RBFOX3: variants seen among roughly 807,000 people sequenced by gnomAD.
RBFOX3 encodes RNA binding fox-1 homolog 3.
Under a neutral mutation model 48.7 loss-of-function variants are expected in RBFOX3, and 17 were observed. That is an observed-to-expected ratio of 0.35 (90% CI 0.24 to 0.52). The LOEUF (loss-of-function observed/expected upper bound fraction) is 0.52. Among genes scored for constraint, RBFOX3 ranks in the 20% least tolerant of loss-of-function variants. RBFOX3 has a pLI of 0.94. For missense variants in RBFOX3, 382 were observed against 497.5 expected, an observed-to-expected ratio of 0.77 and a Z score of 2.21; for synonymous variants, 212 against 209.5, an observed-to-expected ratio of 1.01 and a Z score of -0.10.
intron 2 of RBFOX3, among the ~76,000 whole-genome samples, chr17:79,347,060 C>T (rs192927005): frequency 5.0e-4 from 76 of 152,230 alleles, no homozygotes; most frequent in African/African-American, 1.5e-3. Flanking sequence ...CTCTTTGTTG[C>T]ACTGCATAGG....
At chr17:79,170,670 T>TA (rs955500821) in intron 4 of RBFOX3, among the ~76,000 whole-genome samples, 1 of 152,024 alleles carries the variant, frequency 6.6e-6, no homozygotes, top group African/African-American at 2.4e-5. Context: ...CCCCTGCCCA[T>TA]ACCCCTGTTC....
intron 3 of RBFOX3, among the ~76,000 whole-genome samples, chr17:79,267,213 T>G (rs1447612246): frequency 6.6e-6 from 1 of 152,196 alleles, no homozygotes; most frequent in Non-Finnish European, 1.5e-5. Flanking sequence ...TTGCTGGCTC[T>G]GGGCCCTGTG....
intron 2 of RBFOX3, among the ~76,000 whole-genome samples, chr17:79,352,990 C>T (rs1295542549): frequency 6.6e-6 from 1 of 152,242 alleles, no homozygotes. Context: ...CACAAAGGCG[C>T]TTGGAGCATC....
At chr17:79,183,610 GTC>G (rs2052693551) in intron 4 of RBFOX3, 1 of 152,392 alleles carries the variant, frequency 6.6e-6, no homozygotes, top group Non-Finnish European at 1.5e-5. Context: ...CGGCCAGAGA[GTC>G]TGTGCGCGAG....
intron 3 of RBFOX3, among the ~76,000 whole-genome samples, chr17:79,255,251 G>GTA (rs1555631139): frequency 2.0e-5 from 3 of 149,114 alleles, no homozygotes; most frequent in Non-Finnish European, 4.5e-5. Flanking sequence ...GTGTGTGTGT[G>GTA]TACTGGGGGT....
chr17:79,602,692 G>T (rs2093733046), intron 1 of RBFOX3, among the ~76,000 whole-genome samples: 1 of 152,034 alleles, frequency 6.6e-6, no homozygotes, highest in Admixed American at 6.6e-5. Flanking sequence ...GCTTTGCAAA[G>T]CTGTGCTTCG....
chr17:79,659,998 C>A, the RBFOX3 span, among the ~76,000 whole-genome samples: 1 of 152,098 alleles, frequency 6.6e-6, no homozygotes, highest in Non-Finnish European at 1.5e-5. Flanking sequence ...ACCAGCCTGG[C>A]CAACATGGTG....
intron 2 of RBFOX3, among the ~76,000 whole-genome samples, chr17:79,464,494 C>T (rs547310233): frequency 6.6e-6 from 1 of 152,322 alleles, no homozygotes; most frequent in South Asian, 2.1e-4. Flanking sequence ...GTCGGGGCGG[C>T]CCGAGGACAG....
At chr17:79,646,219 T>C in the RBFOX3 span, among the ~76,000 whole-genome samples, 343 of 152,290 alleles carry the variant, frequency 2.3e-3, no homozygotes, top group Non-Finnish European at 4.1e-3. Flanking sequence ...TCACACACAC[T>C]GAGACCCAGG....
the RBFOX3 span, among the ~76,000 whole-genome samples, chr17:79,656,469 C>T: frequency 1.5e-4 from 23 of 152,096 alleles, no homozygotes; most frequent in Non-Finnish European, 2.5e-4. Flanking sequence ...CAAAAATTAG[C>T]CGGACATGGT....
chr17:79,566,005 T>C (rs1227246629), intron 1 of RBFOX3, among the ~76,000 whole-genome samples: 1 of 152,170 alleles, frequency 6.6e-6, no homozygotes, highest in African/African-American at 2.4e-5. Flanking sequence ...CCATTCTGAC[T>C]GTCGAGATAT....
At chr17:79,091,207 C>T (rs1429260693) in intron 14 of RBFOX3, among the ~76,000 whole-genome samples, 2 of 152,106 alleles carry the variant, frequency 1.3e-5, no homozygotes, top group African/African-American at 4.8e-5. Context: ...GATGGTCTGG[C>T]CACGGGAGGT....
chr17:79,447,909 T>A (rs553842706), intron 2 of RBFOX3, among the ~76,000 whole-genome samples: 5 of 152,234 alleles, frequency 3.3e-5, no homozygotes, highest in Admixed American at 3.3e-4. Context: ...CAGGGGTAGA[T>A]TTCCCTCTTG....
intron 3 of RBFOX3, among the ~76,000 whole-genome samples, chr17:79,298,654 A>G (rs1175964494): frequency 1.3e-5 from 2 of 152,154 alleles, no homozygotes; most frequent in Non-Finnish European, 2.9e-5. Flanking sequence ...ATCTCAGGCC[A>G]GTGATGTGTC....
At chr17:79,499,423 A>T (rs2082090657) in intron 1 of RBFOX3, among the ~76,000 whole-genome samples, 1 of 151,814 alleles carries the variant, frequency 6.6e-6, no homozygotes, top group Non-Finnish European at 1.5e-5. Flanking sequence ...CCAACCTTCC[A>T]TCCATCTATA....
At chr17:79,241,336 C>A (rs35530491) in intron 3 of RBFOX3, among the ~76,000 whole-genome samples, 4 of 151,926 alleles carry the variant, frequency 2.6e-5, no homozygotes, top group African/African-American at 4.8e-5. Flanking sequence ...AGTTTGAGCC[C>A]TCTGCGTAAC....
intron 4 of RBFOX3, among the ~76,000 whole-genome samples, chr17:79,125,534 A>T (rs1410866141): frequency 6.6e-6 from 1 of 152,202 alleles, no homozygotes; most frequent in Non-Finnish European, 1.5e-5. Flanking sequence ...TGCGTGTGGG[A>T]CAACGGGCCG....
chr17:79,335,232 A>G (rs892785484), intron 2 of RBFOX3, among the ~76,000 whole-genome samples: 1 of 152,218 alleles, frequency 6.6e-6, no homozygotes, highest in East Asian at 1.9e-4. Context: ...CAACATGAGT[A>G]TGCTTGATTT....
At chr17:79,317,202 T>C (rs1046037361) in intron 2 of RBFOX3, among the ~76,000 whole-genome samples, 2 of 152,206 alleles carry the variant, frequency 1.3e-5, no homozygotes, top group Non-Finnish European at 2.9e-5. Context: ...AGTCAGCATA[T>C]GGCCCGGCTG....
Sources: allele counts gnomAD v4.1 joint callset (sites outside exome capture counted in the v4.1 genomes callset), GRCh38; gene constraint gnomAD v4.1.1; transcripts MANE v1.5; gene names NCBI Gene and HGNC (gene_info 2026-07-23, HGNC 2026-07-21).